MED23: variants seen among roughly 807,000 people sequenced by gnomAD.
MED23 encodes mediator of RNA polymerase II transcription subunit 23.
MED23 carries 105 observed loss-of-function variants against 163.9 expected under a neutral mutation model. The observed-to-expected ratio is 0.64, with a 90% CI of 0.55 to 0.75. The LOEUF is 0.75. Among genes scored for constraint, MED23 ranks in the 30% least tolerant of loss-of-function variants. The pLI, the probability that MED23 is intolerant of heterozygous loss-of-function variation, is 0.00. For synonymous variants in MED23, 561 were observed against 565.6 expected (o/e 0.99, Z 0.12); for missense variants, 1,054 against 1,649.0 (o/e 0.64, Z 6.25).
intron 30 of MED23, among the ~76,000 whole-genome samples, chr6:131,575,708 G>A (rs1462734799): frequency 1.3e-5 from 2 of 152,198 alleles, no homozygotes; most frequent in African/African-American, 4.8e-5. Context: ...AGCTCTGTTG[G>A]AAATTAAAAT....
In MED23 at chr6:131,587,307, T is replaced by C. The variant is rs1774242453; in HGVS notation, c.*372A>G. 3 of 1,074,456 alleles carry C rather than the reference T, an allele frequency of 2.8e-6. No homozygotes were observed. The South Asian group carries it at 9.5e-5, about 34-fold the overall frequency. The allele number at this position is 1,074,456 out of a possible 1,614,324, so 66.6% of individuals were successfully genotyped here. A position where few individuals can be genotyped will look rare whatever the true frequency, so the allele number is the denominator to read the frequency against. ...CATGTGTGGTGCCTTTAAAATAATA[T>C]ATCTGAAGACTAAATATGTCATTAA... On this transcript the variant is annotated 3_prime_UTR_variant, in exon 29 of 29. Coordinates refer to ENST00000368068, the MANE Select transcript of MED23 (RefSeq NM_004830.4).
At chr6:131,604,114 G>C in intron 15 of MED23, 64 bp downstream of exon 15, 2 of 1,571,966 alleles carry the variant, frequency 1.3e-6, no homozygotes, top group Non-Finnish European at 1.7e-6. Flanking sequence ...CCAGGACCTA[G>C]AAAAGTAACT....
intron 5 of MED23, 25 bp downstream of exon 5, chr6:131,623,326 A>T (rs1458849402): frequency 3.8e-6 from 6 of 1,563,276 alleles, no homozygotes; most frequent in Admixed American, 1.7e-5. Flanking sequence ...GAAAGCAATC[A>T]CTTTTTATAA....
intron 14 of MED23, 38 bp downstream of exon 14, chr6:131,605,202 T>A: frequency 6.2e-7 from 1 of 1,604,536 alleles, no homozygotes; most frequent in Non-Finnish European, 8.5e-7. Context: ...CTCGTATCAA[T>A]TCCCTGACAT....
chr6:131,583,992 T>TAA (rs1031460462), downstream of MED23: 3 of 1,466,762 alleles, frequency 2.0e-6, no homozygotes, highest in Non-Finnish European at 2.8e-6. Flanking sequence ...GTTATCCTTC[T>TAA]AAAGACTTGT....
At chr6:131,619,164 A>C (rs1174488333) in intron 8 of MED23, among the ~76,000 whole-genome samples, 1 of 152,194 alleles carries the variant, frequency 6.6e-6, no homozygotes, top group Non-Finnish European at 1.5e-5. Context: ...CTCAGTTACA[A>C]AAGCTAGAAA....
intron 22 of MED23, among the ~76,000 whole-genome samples, chr6:131,595,117 A>G (rs1774952785): frequency 1.3e-5 from 2 of 152,140 alleles, no homozygotes; most frequent in African/African-American, 2.4e-5. Context: ...CCAGACAAAC[A>G]CTTTGTTCCC....
In MED23 at chr6:131,590,434, G is replaced by C. The variant is rs750134866; in HGVS notation, c.3695C>G (p.Thr1232Ser). Residue 1232 changes from threonine to serine, a missense_variant, in exon 27 of 29, where the codon ACT (threonine) becomes AGT (serine). Around this residue, in one of 11 missense-constraint regions of MED23, gnomAD observed 362 missense variants for 471.6 expected, o/e 0.77. Transcript: ENST00000368068. ...GQLSLIPKFLTEVLLPIVKTE... is the reference protein window; with the variant it reads ...GQLSLIPKFLSEVLLPIVKTE... Reference sequence around the variant, plus strand: ...CTTCACTATAGGAAGAAGTACTTCAGTAAGAAACCTAAAATTTGAAGATAA... The same window carrying C: ...CTTCACTATAGGAAGAAGTACTTCACTAAGAAACCTAAAATTTGAAGATAA... 14 of 1,603,460 alleles carry C rather than the reference G, an allele frequency of 8.7e-6. No homozygotes were observed. The highest frequency in any genetic ancestry group is 1.7e-4 in the Middle Eastern group (1 of 6,060).
At chr6:131,613,569 G>C (rs975024071) in intron 10 of MED23, among the ~76,000 whole-genome samples, 1 of 152,032 alleles carries the variant, frequency 6.6e-6, no homozygotes, top group Non-Finnish European at 1.5e-5. Context: ...GTGTGTTCTC[G>C]TTTTCTAGTC....
At position 131,591,247 on chromosome 6, in the gene MED23, G is replaced by A. The variant is rs1198559057; in HGVS notation, c.3686+66C>T. 6 of 1,269,588 alleles carry A rather than the reference G, an allele frequency of 4.7e-6. No individual in the cohort carries two copies. In the African/African-American group the frequency reaches 7.4e-5, roughly 16 times the overall value. The allele number at this position is 1,269,588 out of a possible 1,614,324, so 78.6% of individuals were successfully genotyped here. ...CCCACCTCGGCCTCCCAAAGTGCTG[G>A]GATTACAGGCATGAACCACCGCACC... On this transcript the variant is annotated intron_variant, in intron 26 of 28. Coordinates refer to ENST00000368068, the MANE Select transcript of MED23 (RefSeq NM_004830.4).
chr6:131,603,022 G>T lies in MED23; in HGVS notation c.1931+8C>A, dbSNP rs749788922. 1 of 1,613,324 alleles carries T rather than the reference G, an allele frequency of 6.2e-7. No individual in the cohort carries two copies. The highest frequency in any genetic ancestry group is 8.5e-7 in the Non-Finnish European group (1 of 1,179,402). The stretch of plus-strand genomic sequence containing the variant: ...ATCTTAAGGAAAGATGGTCTTCAAT[G>T]AGCTCACCAAAGATGGAGCTGGTTC... On this transcript the variant is annotated splice_region_variant and intron_variant, in intron 16 of 28. Coordinates refer to ENST00000368068, the MANE Select transcript of MED23 (RefSeq NM_004830.4).
intron 5 of MED23, among the ~76,000 whole-genome samples, chr6:131,622,290 G>A (rs1320412992): frequency 6.6e-6 from 1 of 152,200 alleles, no homozygotes; most frequent in African/African-American, 2.4e-5. Flanking sequence ...CATATAGACA[G>A]AAATATATTG....
chr6:131,601,174 T>C (rs1389520233), intron 17 of MED23, among the ~76,000 whole-genome samples: 2 of 152,182 alleles, frequency 1.3e-5, no homozygotes, highest in African/African-American at 4.8e-5. Flanking sequence ...AAACAAATGA[T>C]AGTAACTTTT....
intron 14 of MED23, among the ~76,000 whole-genome samples, chr6:131,604,528 A>T (rs988110097): frequency 1.3e-5 from 2 of 152,184 alleles, no homozygotes; most frequent in Non-Finnish European, 2.9e-5. Context: ...CGCTTTCAAT[A>T]TGCATACGGA....
chr6:131,576,876 CA>C, intron 30 of MED23: 1 of 736,936 alleles, frequency 1.4e-6, no homozygotes, highest in Non-Finnish European at 2.4e-6. Flanking sequence ...ACACATCCTA[CA>C]AAAGCAGCAG....
At chr6:131,606,696 T>C (rs535362002) in intron 12 of MED23, 72 bp from the exon 13 acceptor site, 50 of 1,282,780 alleles carry the variant, frequency 3.9e-5, no homozygotes, top group Middle Eastern at 3.8e-4. Flanking sequence ...TGTATTTTAG[T>C]AATCAATTTC....
chr6:131,588,052 C>A (rs770446983), intron 28 of MED23, among the ~76,000 whole-genome samples: 6 of 152,144 alleles, frequency 3.9e-5, no homozygotes, highest in Non-Finnish European at 8.8e-5. Context: ...CTCCCTCACA[C>A]ACACCCCTTA....
chr6:131,612,728 T>A (rs930058889), intron 10 of MED23, among the ~76,000 whole-genome samples: 1 of 152,124 alleles, frequency 6.6e-6, no homozygotes, highest in East Asian at 1.9e-4. Flanking sequence ...CATTTAATAT[T>A]TTCAGCTTTG....
In MED23 at chr6:131,603,003, A is replaced by C. The variant is rs368964345; in HGVS notation, c.1931+27T>G. On this transcript the variant is annotated intron_variant, in intron 16 of 28. Transcript: ENST00000368068. ...CCAAGAAAGTTTCTAATAAATCTTA[A>C]GGAAAGATGGTCTTCAATGAGCTCA... 1.9e-5 allele frequency: 31 copies of C among 1,611,022 alleles called. No individual in the cohort carries two copies. The South Asian group carries it at 3.0e-4, about 15-fold the overall frequency.
Sources: gnomAD v4.1 joint callset for allele counts (sites outside exome capture counted in the v4.1 genomes callset) on GRCh38, gnomAD v4.1.1 for gene constraint, gnomAD v4.1.1 regional missense constraint, MANE v1.5 for transcripts, NCBI Gene and HGNC (gene_info 2026-07-23, HGNC 2026-07-21) for gene names.